FBXW7: variants seen among roughly 807,000 people sequenced by gnomAD.
FBXW7 encodes F-box/WD repeat-containing protein 7.
FBXW7 carries 11 observed loss-of-function variants against 86.3 expected under a neutral mutation model. The observed-to-expected ratio is 0.13, with a 90% CI of 0.08 to 0.21. The LOEUF is 0.21. FBXW7 is among the 10% of genes least tolerant of loss of function. The pLI, the probability that FBXW7 is intolerant of heterozygous loss-of-function variation, is 1.00. For synonymous variants in FBXW7, 313 were observed against 297.9 expected (o/e 1.05, Z -0.52); for missense variants, 488 against 847.4 (o/e 0.58, Z 5.27).
At chr4:152,359,341 C>G (rs1198037853) in intron 4 of FBXW7, among the ~76,000 whole-genome samples, 2 of 152,038 alleles carry the variant, frequency 1.3e-5, no homozygotes, top group Admixed American at 6.6e-5. Flanking sequence ...TGGCTCACAC[C>G]CATAATCCCA....
intron 2 of FBXW7, among the ~76,000 whole-genome samples, chr4:152,514,697 A>G (rs1439940472): frequency 6.6e-6 from 1 of 152,092 alleles, no homozygotes; most frequent in Non-Finnish European, 1.5e-5. Context: ...TTCCTGCCTC[A>G]CCATGTGATA....
intron 2 of FBXW7, among the ~76,000 whole-genome samples, chr4:152,528,236 A>G (rs550048622): frequency 6.6e-6 from 1 of 152,336 alleles, no homozygotes; most frequent in South Asian, 2.1e-4. Context: ...GATTTCCAGT[A>G]GCTATCTTCC....
chr4:152,482,148 G>A (rs1744935477), intron 2 of FBXW7, among the ~76,000 whole-genome samples: 2 of 152,090 alleles, frequency 1.3e-5, no homozygotes, highest in Admixed American at 6.5e-5. Flanking sequence ...CACCCTGACT[G>A]GCGAGCAGTC....
At position 152,338,070 on chromosome 4, in the gene FBXW7, G is replaced by C. The variant is rs111996158; in HGVS notation, c.727-134C>G. 1.1e-4 allele frequency: 73 copies of C among 669,740 alleles called. 1 individual carries two copies. The African/African-American group carries it at 1.2e-3, about 11-fold the overall frequency. The allele number at this position is 669,740 out of a possible 1,614,324, so 41.5% of individuals were successfully genotyped here. A position where few individuals can be genotyped will look rare whatever the true frequency, so the allele number is the denominator to read the frequency against. ...TGTATAAAAAGTGGCTCCTTATAGT[G>C]ACATTTTTTCCACAAGGCATTGAAG... is the stretch of plus-strand genomic sequence containing the variant. On this transcript the variant is annotated intron_variant, in intron 6 of 13. Coordinates refer to ENST00000281708, the MANE Select transcript of FBXW7 (RefSeq NM_001349798.2).
chr4:152,500,958 A>T (rs903098425), intron 2 of FBXW7, among the ~76,000 whole-genome samples: 7 of 152,216 alleles, frequency 4.6e-5, no homozygotes, highest in African/African-American at 1.7e-4. Flanking sequence ...CACTAAGATC[A>T]GGCAGCATTA....
intron 4 of FBXW7, among the ~76,000 whole-genome samples, chr4:152,375,734 A>G (rs1375252769): frequency 6.6e-6 from 1 of 152,152 alleles, no homozygotes; most frequent in Non-Finnish European, 1.5e-5. Context: ...AATGTGCTTT[A>G]AAATATAATG....
chr4:152,415,127 T>C (rs1579137021), intron 2 of FBXW7, among the ~76,000 whole-genome samples: 1 of 152,154 alleles, frequency 6.6e-6, no homozygotes, highest in African/African-American at 2.4e-5. Context: ...ATAGATACAG[T>C]TGTTAAATAA....
intron 4 of FBXW7, among the ~76,000 whole-genome samples, chr4:152,361,565 A>G (rs1450731569): frequency 6.6e-6 from 1 of 152,212 alleles, no homozygotes; most frequent in Non-Finnish European, 1.5e-5. Flanking sequence ...GCACTTTGCT[A>G]TCTTCTCAAC....
chr4:152,483,868 C>G (rs2149674129), intron 2 of FBXW7, among the ~76,000 whole-genome samples: 1 of 152,190 alleles, frequency 6.6e-6, no homozygotes, highest in East Asian at 1.9e-4. Context: ...GTATAGCAAG[C>G]AATACAGTAC....
At chr4:152,478,437 T>C (rs1404045655) in intron 2 of FBXW7, among the ~76,000 whole-genome samples, 1 of 152,144 alleles carries the variant, frequency 6.6e-6, no homozygotes, top group East Asian at 1.9e-4. Context: ...TTCTACTATA[T>C]GTATAAACAC....
At chr4:152,416,381 A>G (rs1738430936) in intron 2 of FBXW7, among the ~76,000 whole-genome samples, 1 of 152,138 alleles carries the variant, frequency 6.6e-6, no homozygotes, top group Non-Finnish European at 1.5e-5. Flanking sequence ...CTTAACACAC[A>G]TTTGTAAATT....
chr4:152,359,773 A>C (rs1053348762), intron 4 of FBXW7, among the ~76,000 whole-genome samples: 36 of 152,344 alleles, frequency 2.4e-4, no homozygotes, highest in Middle Eastern at 3.4e-3. Context: ...CAAAAAACAA[A>C]AAAAACCCAC....
intron 4 of FBXW7, among the ~76,000 whole-genome samples, chr4:152,397,855 T>G (rs531783001): frequency 1.2e-3 from 180 of 152,070 alleles, no homozygotes; most frequent in African/African-American, 3.9e-3. Context: ...TTTGGAGAGA[T>G]AATTCTTTTC....
chr4:152,384,711 G>A (rs1327509727), intron 4 of FBXW7, among the ~76,000 whole-genome samples: 1 of 151,920 alleles, frequency 6.6e-6, no homozygotes, highest in Non-Finnish European at 1.5e-5. Flanking sequence ...AATTTTAAAT[G>A]TTTTTAAACA....
Position 152,438,510 on chromosome 4 carries a change from T to G in FBXW7, c.-119-25981A>C, listed in dbSNP as rs189626368. Among the ~76,000 whole-genome samples, 572 of 152,118 alleles carry G rather than the reference T, an allele frequency of 3.8e-3. 2 individuals carry two copies. The highest frequency in any genetic ancestry group is 0.014 in the Middle Eastern group (4 of 294). On this transcript the variant is annotated intron_variant, in intron 2 of 13. Transcript: ENST00000281708. Reference sequence around the variant, plus strand: ...TTGGCCAACATGGTGAAACACTGTCTCTACTAAAAACATAAAAATTAGCCA... The same window carrying G: ...TTGGCCAACATGGTGAAACACTGTCGCTACTAAAAACATAAAAATTAGCCA...
At chr4:152,387,643 T>C in intron 4 of FBXW7, among the ~76,000 whole-genome samples, 1 of 147,790 alleles carries the variant, frequency 6.8e-6, no homozygotes, top group Admixed American at 6.7e-5. Context: ...AAGCAACATA[T>C]TACTTTAAAT....
At chr4:152,435,737 A>AT (rs1368988394) in intron 2 of FBXW7, among the ~76,000 whole-genome samples, 1 of 152,152 alleles carries the variant, frequency 6.6e-6, no homozygotes, top group Non-Finnish European at 1.5e-5. Flanking sequence ...CAAATAGTAT[A>AT]TTTTTTTAAA....
chr4:152,323,968 T>A, intron 13 of FBXW7: 2 of 524,470 alleles, frequency 3.8e-6, no homozygotes, highest in Non-Finnish European at 6.8e-6. Context: ...ATGCAGGAAG[T>A]GATTAAACAA....
intron 2 of FBXW7, among the ~76,000 whole-genome samples, chr4:152,428,963 G>A (rs1739628448): frequency 6.6e-6 from 1 of 152,170 alleles, no homozygotes; most frequent in Admixed American, 6.6e-5. Context: ...GCCAAGGCGG[G>A]TGGATCACCT....
Sources: gnomAD v4.1 joint callset for allele counts (sites outside exome capture counted in the v4.1 genomes callset) on GRCh38, gnomAD v4.1.1 for gene constraint, MANE v1.5 for transcripts, NCBI Gene and HGNC (gene_info 2026-07-23, HGNC 2026-07-21) for gene names.